Variants in ANO2 observed in about 807,000 individuals in gnomAD.
ANO2 encodes the protein anoctamin 2.
A neutral mutation model predicts 124.2 loss-of-function variants in ANO2; 101 were observed. That is an observed-to-expected ratio of 0.81 (90% CI 0.69 to 0.96). ANO2 has a LOEUF of 0.96. Ranked by LOEUF, ANO2 falls within the 40% of genes least tolerant of loss-of-function variation. The pLI is 0.00. For synonymous variants in ANO2, 486 were observed against 482.5 expected (o/e 1.01, Z -0.09); for missense variants, 1,293 against 1,274.5 (o/e 1.01, Z -0.22).
At chr12:5,929,698 T>C (rs370554506) in intron 1 of ANO2, among the ~76,000 whole-genome samples, 2 of 144,508 alleles carry the variant, frequency 1.4e-5, no homozygotes, top group East Asian at 2.1e-4. Flanking sequence ...TACTAGTCTA[T>C]CTTCTTTCCT....
chr12:5,801,735 T>C (rs1004374289), intron 9 of ANO2, among the ~76,000 whole-genome samples: 2 of 152,158 alleles, frequency 1.3e-5, no homozygotes, highest in Non-Finnish European at 2.9e-5. Flanking sequence ...ACAAAAGGGG[T>C]CACTCAGTGC....
intron 10 of ANO2, among the ~76,000 whole-genome samples, chr12:5,752,158 G>C (rs1441701711): frequency 6.6e-6 from 1 of 152,182 alleles, no homozygotes; most frequent in Admixed American, 6.5e-5. Context: ...TCTGGCAATT[G>C]TGAATAATGC....
intron 9 of ANO2, among the ~76,000 whole-genome samples, chr12:5,802,632 C>A (rs951897543): frequency 1.3e-5 from 2 of 152,212 alleles, no homozygotes; most frequent in Non-Finnish European, 2.9e-5. Context: ...TGGAGTCCTG[C>A]CCCATATGGA....
chr12:5,645,952 A>C lies in ANO2; in HGVS notation c.1620+1775T>G, dbSNP rs539540667. On this transcript the variant is annotated intron_variant, in intron 15 of 24. Coordinates refer to ENST00000682330, the MANE Select transcript of ANO2 (RefSeq NM_001364791.2). ...AGGGATTGCCCCTGGCCACTTCTTAAGCACAGGATTTTGTTTCCCCTTTTC... is the reference window on the plus strand; with the variant it reads ...AGGGATTGCCCCTGGCCACTTCTTACGCACAGGATTTTGTTTCCCCTTTTC... Among the ~76,000 whole-genome samples the C allele has an allele frequency of 6.6e-5, 10 of 152,332 alleles. No individual in the cohort carries two copies. The East Asian group carries it at 1.9e-3, about 29-fold the overall frequency.
At chr12:5,767,783 A>C (rs2137115972) in intron 10 of ANO2, among the ~76,000 whole-genome samples, 1 of 152,256 alleles carries the variant, frequency 6.6e-6, no homozygotes, top group East Asian at 1.9e-4. Context: ...TGGAACTGAA[A>C]TTTTATCCTT....
intron 9 of ANO2, among the ~76,000 whole-genome samples, chr12:5,804,126 G>A (rs1218948654): frequency 6.6e-6 from 1 of 152,148 alleles, no homozygotes; most frequent in Non-Finnish European, 1.5e-5. Flanking sequence ...AATGCTTCCT[G>A]CAACCACCTC....
In ANO2 at chr12:5,822,306, CCTCT is replaced by C. The variant is rs550751731; in HGVS notation, c.892+5459_892+5462del. ...TCTGGGGAAGAGGTATGTAGATGGA[CCTCT>C]CTGAGTGGTCAAAAACTGTGAAGAT... is the stretch of plus-strand genomic sequence containing the variant. On this transcript the variant is annotated intron_variant, in intron 7 of 24. Transcript: ENST00000682330. Among the ~76,000 whole-genome samples the C allele has an allele frequency of 1.9e-3, 295 of 152,302 alleles. 1 individual carries two copies. The highest frequency in any genetic ancestry group is 3.0e-3 in the Admixed American group (46 of 15,304).
chr12:5,770,502 C>A (rs1464566587), intron 10 of ANO2, among the ~76,000 whole-genome samples: 2 of 152,124 alleles, frequency 1.3e-5, no homozygotes, highest in Non-Finnish European at 2.9e-5. Flanking sequence ...TGGAAGTAAT[C>A]ATCTTTGGCT....
At chr12:5,889,679 T>C (rs992089385) in intron 3 of ANO2, among the ~76,000 whole-genome samples, 16 of 152,366 alleles carry the variant, frequency 1.1e-4, no homozygotes, top group African/African-American at 3.8e-4. Context: ...AGCTGTGATA[T>C]GCTGGCCACC....
chr12:5,866,987 T>C (rs999087828), intron 3 of ANO2, among the ~76,000 whole-genome samples: 3 of 152,172 alleles, frequency 2.0e-5, no homozygotes, highest in Non-Finnish European at 4.4e-5. Context: ...GTCTAGGGGT[T>C]GGTCTGGGTT....
chr12:5,647,564 A>G (rs924438419), intron 15 of ANO2, among the ~76,000 whole-genome samples, 163 bp downstream of exon 15: 57 of 152,314 alleles, frequency 3.7e-4, no homozygotes, highest in African/African-American at 1.3e-3. Context: ...TGGGTGGTCA[A>G]TGGCCTCACT....
At chr12:5,661,664 G>A (rs1203654085) in intron 14 of ANO2, among the ~76,000 whole-genome samples, 1 of 152,134 alleles carries the variant, frequency 6.6e-6, no homozygotes, top group Non-Finnish European at 1.5e-5. Flanking sequence ...CGATGCCACT[G>A]GGTCCCACTT....
chr12:5,783,768 C>T (rs530921736), intron 10 of ANO2, among the ~76,000 whole-genome samples: 97 of 152,264 alleles, frequency 6.4e-4, no homozygotes, highest in African/African-American at 2.2e-3. Flanking sequence ...CCTTGCCTTC[C>T]TCATCTGAGG....
At chr12:5,873,247 G>C (rs868347268) in intron 3 of ANO2, among the ~76,000 whole-genome samples, 5,269 of 69,016 alleles carry the variant, frequency 0.076, 82 homozygotes, top group Middle Eastern at 0.15. Flanking sequence ...CTCTCTCTCT[G>C]TCTGTCTCTC....
rs34792083 is a variant in ANO2 at position 5,610,972 on chromosome 12, C to CTT, written c.2087+1682_2087+1683dup. 4.3e-3 allele frequency among the ~76,000 whole-genome samples: 487 copies of CTT among 113,594 alleles called. 24 individuals are homozygous for CTT. The highest frequency in any genetic ancestry group is 0.024 in the Middle Eastern group (5 of 206). The allele number at this position is 113,594 out of a possible 152,430, so 74.5% of individuals were successfully genotyped here. Reference sequence around the variant, plus strand: ...ACACATCCTGGAACAAACTTCTCTGCTTTTTTTTTTTTTTTTTGAGACAGA... The same window carrying CTT: ...ACACATCCTGGAACAAACTTCTCTGCTTTTTTTTTTTTTTTTTTTGAGACAGA... On this transcript the variant is annotated intron_variant, in intron 19 of 24. Coordinates refer to ENST00000682330, the MANE Select transcript of ANO2 (RefSeq NM_001364791.2).
intron 3 of ANO2, among the ~76,000 whole-genome samples, chr12:5,909,209 A>C (rs1164506119): frequency 6.6e-6 from 1 of 152,202 alleles, no homozygotes; most frequent in Non-Finnish European, 1.5e-5. Context: ...GGCCAATTCC[A>C]CATGCTCCCA....
chr12:5,614,737 C>T (rs893800662), intron 17 of ANO2, among the ~76,000 whole-genome samples: 2 of 152,146 alleles, frequency 1.3e-5, no homozygotes, highest in Admixed American at 6.5e-5. Context: ...GTCATAACTG[C>T]CGGTGGCCTG....
intron 3 of ANO2, among the ~76,000 whole-genome samples, chr12:5,863,390 G>A (rs1955332530): frequency 6.6e-6 from 1 of 152,202 alleles, no homozygotes; most frequent in Non-Finnish European, 1.5e-5. Context: ...CACCATGTAA[G>A]ATAGGCCCCG....
intron 3 of ANO2, among the ~76,000 whole-genome samples, chr12:5,892,604 T>C (rs937103033): frequency 6.6e-6 from 1 of 152,154 alleles, no homozygotes; most frequent in Non-Finnish European, 1.5e-5. Context: ...TGAGGAGCCA[T>C]GAAGGTCAGA....
Sources: allele counts gnomAD v4.1 joint callset (sites outside exome capture counted in the v4.1 genomes callset), GRCh38; gene constraint gnomAD v4.1.1; transcripts MANE v1.5; gene names NCBI Gene and HGNC (gene_info 2026-07-23, HGNC 2026-07-21).